The following CAPN1 variants were observed in gnomAD, a reference collection of about 807,000 sequenced individuals.
CAPN1 encodes the protein calpain 1, also known as calpain-1 catalytic subunit.
Under a neutral mutation model 105.2 loss-of-function variants are expected in CAPN1, and 77 were observed. The ratio of observed to expected loss-of-function variants is 0.73; its 90% CI spans 0.61 to 0.88. The LOEUF (loss-of-function observed/expected upper bound fraction) is 0.88. Ranked by LOEUF, CAPN1 falls within the 40% of genes least tolerant of loss-of-function variation. The pLI, the probability that CAPN1 is intolerant of heterozygous loss-of-function variation, is 0.00. For missense variants in CAPN1, 833 were observed against 976.6 expected, an observed-to-expected ratio of 0.85 and a Z score of 1.96; for synonymous variants, 355 against 388.8, an observed-to-expected ratio of 0.91 and a Z score of 1.02.
chr11:65,209,402 G>T lies in CAPN1; in HGVS notation c.1794+15G>T, dbSNP rs1949010901. On this transcript the variant is annotated intron_variant, in intron 17 of 21. Coordinates refer to ENST00000279247, the MANE Select transcript of CAPN1 (RefSeq NM_005186.4). This position sits in a 1 kb window ranked among gnomAD's most constrained non-coding sequence, Gnocchi z 4.1. ...ACCTCATGGATGTATCCTTCCGTTT[G>T]CTTTTGTCTCCTGAGTGGGGTTTTG... is the stretch of plus-strand genomic sequence containing the variant. 1 of 1,611,034 alleles carries T rather than the reference G, an allele frequency of 6.2e-7. No homozygotes were observed. Among genetic ancestry groups the T allele is most frequent in the African/African-American group, 1.3e-5 (1 of 74,918 alleles).
In CAPN1 at chr11:65,188,608, C is replaced by T. The variant is rs772920091; in HGVS notation, c.1027C>T (p.Arg343Trp). The change falls in exon 10 of 22, where the codon CGG (arginine) becomes TGG (tryptophan). Residue 343 changes from arginine to tryptophan, a missense_variant. Physicochemically the swap from Arg to Trp is moderately radical, Grantham distance 101. Transcript: ENST00000279247. This position sits in a 1 kb window ranked among gnomAD's most constrained non-coding sequence, Gnocchi z 5.5. ...EFWMSFRDFM[R>W]EFTRLEICNL... ...CAGGATGTCATTCCGAGACTTCATG[C>T]GGGAGTTCACCCGCCTGGAGATCTG... The T allele has an allele frequency of 1.2e-5, 19 of 1,613,854 alleles. No individual in the cohort carries two copies. The highest frequency in any genetic ancestry group is 1.7e-5 in the Admixed American group (1 of 59,998).
At chr11:65,182,567 G>A (rs926085383) in intron 1 of CAPN1, 134 bp from the exon 2 acceptor site, 1 of 930,060 alleles carries the variant, frequency 1.1e-6, no homozygotes, top group African/African-American at 1.7e-5. Context: ...ACTTCTGTGA[G>A]GGGAGCAGTG....
intron 14 of CAPN1, 145 bp from the exon 15 acceptor site, chr11:65,207,910 T>A: frequency 1.9e-6 from 1 of 517,866 alleles, no homozygotes; most frequent in South Asian, 2.0e-5. Flanking sequence ...TGAAACTCCA[T>A]CTCAAAAAGA....
In CAPN1 at chr11:65,209,345, C is replaced by T; in HGVS notation, c.1752C>T (p.Gly584=). Residue 584 remains glycine, a synonymous_variant, in exon 17 of 22, where the codon GGC becomes GGT. Coordinates refer to ENST00000279247, the MANE Select transcript of CAPN1 (RefSeq NM_005186.4). The surrounding 1 kb of genome is among the most constrained non-coding windows in gnomAD (Gnocchi z 4.1). ...CAGACAAAGACCTGCGGACCAAGGGCTTCAGCCTAGAGTCGTGCCGCAGCA... is the reference window on the plus strand; with the variant it reads ...CAGACAAAGACCTGCGGACCAAGGGTTTCAGCCTAGAGTCGTGCCGCAGCA... ...ISKHKDLRTK[G]FSLESCRSMV... The T allele has an allele frequency of 6.2e-7, 1 of 1,613,800 alleles. No individual in the cohort carries two copies. Among genetic ancestry groups the T allele is most frequent in the Non-Finnish European group, 8.5e-7 (1 of 1,179,798 alleles).
intron 12 of CAPN1, 73 bp from the exon 13 acceptor site, chr11:65,206,390 T>G (rs1259575362): frequency 1.7e-6 from 2 of 1,190,574 alleles, no homozygotes; most frequent in Non-Finnish European, 2.5e-6. Context: ...GCCTGGAGTC[T>G]GGGTCTGGGG....
upstream of CAPN1, chr11:65,181,381 C>A: frequency 3.5e-6 from 1 of 286,036 alleles, no homozygotes; most frequent in Non-Finnish European, 7.2e-6. This position sits in a 1 kb window ranked among gnomAD's most constrained non-coding sequence, Gnocchi z 4.6. Flanking sequence ...CCAGCCCGGC[C>A]CCTCCTCAGA....
Position 65,183,502 on chromosome 11 carries a change from C to A in CAPN1, c.366C>A (p.Ala122=), listed in dbSNP as rs1413999757. 6.2e-7 allele frequency: 1 copy of A among 1,613,726 alleles called. No homozygotes were observed. Among genetic ancestry groups the A allele is most frequent in the African/African-American group, 1.3e-5 (1 of 74,936 alleles). Residue 122 remains alanine, a synonymous_variant, in exon 4 of 22, where the codon GCC becomes GCA. Coordinates refer to ENST00000279247, the MANE Select transcript of CAPN1 (RefSeq NM_005186.4). Reference sequence around the variant, plus strand: ...ACTGCTGGCTCTTGGCGGCCATCGCCTCCCTCACTCTCAACGACACCCTCC... The same window carrying A: ...ACTGCTGGCTCTTGGCGGCCATCGCATCCCTCACTCTCAACGACACCCTCC... ...LGDCWLLAAI[A]SLTLNDTLLH...
At chr11:65,196,165 A>G (rs965426222) in intron 10 of CAPN1, among the ~76,000 whole-genome samples, 2 of 152,020 alleles carry the variant, frequency 1.3e-5, no homozygotes, top group African/African-American at 4.8e-5. Flanking sequence ...TGAGCTTTTC[A>G]AAGAACTATT....
chr11:65,183,625 G>A (rs1016121265), intron 4 of CAPN1, 33 bp downstream of exon 4: 4 of 1,446,776 alleles, frequency 2.8e-6, no homozygotes, highest in Non-Finnish European at 3.9e-6. Flanking sequence ...GGGGCAGCAG[G>A]CACTGGGGGA....
upstream of CAPN1, chr11:65,181,927 C>A (rs984949452): frequency 1.6e-4 from 28 of 175,940 alleles, no homozygotes; most frequent in Non-Finnish European, 2.8e-4. This position sits in a 1 kb window ranked among gnomAD's most constrained non-coding sequence, Gnocchi z 4.6. Context: ...CGGGGAGGAG[C>A]GCTCTTCCTG....
chr11:65,183,420 C>A (rs772377336), intron 3 of CAPN1, 54 bp from the exon 4 acceptor site: 3 of 1,305,330 alleles, frequency 2.3e-6, no homozygotes, highest in Non-Finnish European at 3.3e-6. Context: ...GCACCCGCTT[C>A]CCCCCCCGGG....
Position 65,209,267 on chromosome 11 carries a change from GGGGCA to G in CAPN1, c.1730-53_1730-49del. On this transcript the variant is annotated intron_variant, in intron 16 of 21. Coordinates refer to ENST00000279247, the MANE Select transcript of CAPN1 (RefSeq NM_005186.4). The surrounding 1 kb of genome is among the most constrained non-coding windows in gnomAD (Gnocchi z 4.1). ...TCTGCCCCACCCAGTGCTCCCAGCAGGGGCAGGTGCAGGAAGCTCACTAGGTGGAG... is the reference window on the plus strand; with the variant it reads ...TCTGCCCCACCCAGTGCTCCCAGCAGGGTGCAGGAAGCTCACTAGGTGGAG... The G allele has an allele frequency of 6.9e-7, 1 of 1,441,188 alleles. No homozygotes were observed. Among genetic ancestry groups the G allele is most frequent in the South Asian group, 1.2e-5 (1 of 85,224 alleles). 89.3% of individuals were successfully genotyped at this position (1,441,188 alleles called of 1,614,324 possible).
chr11:65,209,927 C>T lies in CAPN1; in HGVS notation c.1863+10C>T, dbSNP rs1242701325. The T allele has an allele frequency of 1.9e-6, 3 of 1,613,434 alleles. No individual in the cohort carries two copies. The highest frequency in any genetic ancestry group is 2.5e-6 in the Non-Finnish European group (3 of 1,179,694). On this transcript the variant is annotated intron_variant, in intron 18 of 21. Coordinates refer to ENST00000279247, the MANE Select transcript of CAPN1 (RefSeq NM_005186.4). The surrounding 1 kb of genome is among the most constrained non-coding windows in gnomAD (Gnocchi z 4.1). The stretch of plus-strand genomic sequence containing the variant: ...CATCCGGAATTACCTGGTAGGTTGT[C>T]CCCACTCACCTCAGTCATGCAGGTG...
chr11:65,190,193 C>T lies in CAPN1; in HGVS notation c.1165+1447C>T, dbSNP rs990175516. On this transcript the variant is annotated intron_variant, in intron 10 of 21. Transcript: ENST00000279247. ...GACCCCACTTCCCTGTTCATTTCTC[C>T]GCCCTCCTTCAAAGCACAATTTATC... Among the ~76,000 whole-genome samples, 24 of 152,302 alleles carry T rather than the reference C, an allele frequency of 1.6e-4. 2 individuals carry two copies. The highest frequency in any genetic ancestry group is 8.5e-4 in the Admixed American group (13 of 15,298).
At chr11:65,206,368 C>A in intron 12 of CAPN1, 95 bp from the exon 13 acceptor site, 1 of 956,346 alleles carries the variant, frequency 1.0e-6, no homozygotes, top group Non-Finnish European at 1.6e-6. Context: ...AGCCCCTTGG[C>A]CAGGACAAGG....
chr11:65,206,540 C>A lies in CAPN1; in HGVS notation c.1431C>A (p.Phe477Leu), dbSNP rs779288043. Reference protein sequence around the residue: ...ANASRARSEQFINLREVSTRF... With the variant: ...ANASRARSEQLINLREVSTRF... ...CGTCTCGGGCGCGCTCAGAGCAGTT[C>A]ATCAACCTGCGAGAGGTCAGCACCC... The change falls in exon 13 of 22, where the codon TTC (phenylalanine) becomes TTA (leucine). Residue 477 changes from phenylalanine (F) to leucine (L), a missense_variant. By Grantham distance (22) the Phe-to-Leu change is conservative. Transcript: ENST00000279247. 6.2e-7 allele frequency: 1 copy of A among 1,613,454 alleles called. No homozygotes were observed. The highest frequency in any genetic ancestry group is 8.5e-7 in the Non-Finnish European group (1 of 1,179,848).
In CAPN1 at chr11:65,188,747, G is replaced by A. The variant is rs781004578; in HGVS notation, c.1165+1G>A. 1.9e-6 allele frequency: 3 copies of A among 1,558,366 alleles called. No individual in the cohort carries two copies. The highest frequency in any genetic ancestry group is 2.6e-6 in the Non-Finnish European group (3 of 1,151,194). On this transcript the variant is annotated splice_donor_variant, in intron 10 of 21. Transcript: ENST00000279247. LOFTEE classifies it high-confidence loss of function. This position sits in a 1 kb window ranked among gnomAD's most constrained non-coding sequence, Gnocchi z 5.5. ...GCGGGGGGCTGCCGAAACTACCCAG[G>A]TGCACAGGGGCGGGCTCTGGGTCTT... is the stretch of plus-strand genomic sequence containing the variant.
chr11:65,210,844 A>T lies in CAPN1; in HGVS notation c.2090A>T (p.Asp697Val). Residue 697 changes from aspartate to valine, a missense_variant, in exon 21 of 22, where the codon GAT becomes GTT. By Grantham distance (152) the Asp-to-Val change is radical (BLOSUM62 -3). Transcript: ENST00000279247. The surrounding 1 kb of genome is among the most constrained non-coding windows in gnomAD (Gnocchi z 4.3). The part of the protein sequence containing the change: ...RFFKTLDTDL[D>V]GVVTFDLFKW... ...TTCAAAACTCTGGACACAGATCTGG[A>T]TGGAGTTGTGACCTTTGACTTGTTT... is the stretch of plus-strand genomic sequence containing the variant. 6.2e-7 allele frequency: 1 copy of T among 1,613,720 alleles called. No homozygotes were observed. Among genetic ancestry groups the T allele is most frequent in the South Asian group, 1.1e-5 (1 of 91,074 alleles).
At chr11:65,184,456 C>T (rs1263184585) in intron 4 of CAPN1, among the ~76,000 whole-genome samples, 1 of 152,110 alleles carries the variant, frequency 6.6e-6, no homozygotes, top group Non-Finnish European at 1.5e-5. Flanking sequence ...GCAACCTGGG[C>T]TCCTAGGGCC....
Sources: gnomAD v4.1 joint callset for allele counts (sites outside exome capture counted in the v4.1 genomes callset) on GRCh38, gnomAD v4.1.1 for gene constraint, Gnocchi (gnomAD v3.1) non-coding constraint, MANE v1.5 for transcripts, NCBI Gene and HGNC (gene_info 2026-07-23, HGNC 2026-07-21) for gene names.